The following PCCA variants were observed in gnomAD, a reference collection of about 807,000 sequenced individuals.
The protein encoded by PCCA is propionyl-CoA carboxylase alpha chain, mitochondrial.
In PCCA, 74 loss-of-function variants were observed where a neutral mutation model predicts 101.3. The ratio of observed to expected loss-of-function variants is 0.73; its 90% CI spans 0.61 to 0.89. The LOEUF is 0.89. Ranked by LOEUF, PCCA falls within the 40% of genes least tolerant of loss-of-function variation. The pLI is 0.00. For missense variants in PCCA, 891 were observed against 907.0 expected, an observed-to-expected ratio of 0.98 and a Z score of 0.23; for synonymous variants, 294 against 313.6, an observed-to-expected ratio of 0.94 and a Z score of 0.66.
In PCCA at chr13:100,335,338, G is replaced by A. The variant is rs148897805; in HGVS notation, c.1540+4667G>A. On this transcript the variant is annotated intron_variant, in intron 17 of 23. Coordinates refer to ENST00000376285, the MANE Select transcript of PCCA (RefSeq NM_000282.4). ...GTTTTTTAAAGACACAAGCCCACTAGGAAGAAGAAAGGAAATAGCATTTGG... is the reference window on the plus strand; with the variant it reads ...GTTTTTTAAAGACACAAGCCCACTAAGAAGAAGAAAGGAAATAGCATTTGG... 2.9e-3 allele frequency among the ~76,000 whole-genome samples: 434 copies of A among 152,108 alleles called. 1 individual carries two copies. The highest frequency in any genetic ancestry group is 0.01 in the African/African-American group (416 of 41,492).
At chr13:100,296,576 G>A (rs936088522) in intron 12 of PCCA, among the ~76,000 whole-genome samples, 1 of 152,000 alleles carries the variant, frequency 6.6e-6, no homozygotes, top group African/African-American at 2.4e-5. Context: ...TTTAAATTTT[G>A]AAATGATTTC....
intron 17 of PCCA, among the ~76,000 whole-genome samples, chr13:100,333,794 C>G (rs1227137864): frequency 6.6e-6 from 1 of 152,116 alleles, no homozygotes; most frequent in Non-Finnish European, 1.5e-5. Flanking sequence ...AAATTTCACT[C>G]AACACAAAAA....
intron 8 of PCCA, among the ~76,000 whole-genome samples, chr13:100,250,893 C>G (rs998958704): frequency 7.2e-5 from 11 of 152,118 alleles, no homozygotes; most frequent in African/African-American, 2.7e-4. Flanking sequence ...GTCTCTCTAC[C>G]CGTCACACTT....
At chr13:100,140,499 G>A (rs1474913422) in intron 4 of PCCA, among the ~76,000 whole-genome samples, 1 of 152,136 alleles carries the variant, frequency 6.6e-6, no homozygotes, top group Non-Finnish European at 1.5e-5. Context: ...TGAGTGAGAT[G>A]AATAGGGGTT....
Position 100,251,132 on chromosome 13 carries a change from A to G in PCCA, c.638-6463A>G, listed in dbSNP as rs1048711288. Among the ~76,000 whole-genome samples the G allele has an allele frequency of 7.2e-5, 11 of 152,292 alleles. No homozygotes were observed. The East Asian group carries it at 2.1e-3, about 29-fold the overall frequency. On this transcript the variant is annotated intron_variant, in intron 8 of 23. Transcript: ENST00000376285. ...ACTGCTGGTAGTTTGTGTAAGTATT[A>G]TGATTAAGTATTATGATAACTGAGA...
intron 23 of PCCA, among the ~76,000 whole-genome samples, chr13:100,528,097 A>G (rs2088005749): frequency 6.6e-6 from 1 of 152,242 alleles, no homozygotes; most frequent in Admixed American, 6.5e-5. Flanking sequence ...ACACAGCAGC[A>G]AATGGTTTTA....
At chr13:100,230,319 G>T (rs2029923839) in intron 7 of PCCA, among the ~76,000 whole-genome samples, 1 of 152,152 alleles carries the variant, frequency 6.6e-6, no homozygotes, top group South Asian at 2.1e-4. Flanking sequence ...CGAGGTGGGC[G>T]GATCACCTGA....
intron 19 of PCCA, among the ~76,000 whole-genome samples, chr13:100,425,264 G>A (rs1385274328): frequency 3.3e-5 from 5 of 152,224 alleles, no homozygotes; most frequent in Non-Finnish European, 7.3e-5. Context: ...TCCTTGGAGA[G>A]GATATTATAT....
chr13:100,385,394 T>C (rs2076443438), intron 19 of PCCA, among the ~76,000 whole-genome samples: 1 of 152,166 alleles, frequency 6.6e-6, no homozygotes, highest in Admixed American at 6.5e-5. Flanking sequence ...AAATAAGGGA[T>C]GCCCTTCATA....
chr13:100,327,545 G>A (rs2068831033), intron 16 of PCCA, among the ~76,000 whole-genome samples: 1 of 152,154 alleles, frequency 6.6e-6, no homozygotes, highest in Non-Finnish European at 1.5e-5. Context: ...TTGTATGTAA[G>A]TCTTTGTATA....
intron 20 of PCCA, among the ~76,000 whole-genome samples, chr13:100,432,036 G>A (rs750263524): frequency 6.6e-6 from 1 of 151,746 alleles, no homozygotes; most frequent in African/African-American, 2.4e-5. Flanking sequence ...TGTCTTTACT[G>A]AAAATACAAA....
intron 19 of PCCA, among the ~76,000 whole-genome samples, chr13:100,415,672 A>C (rs144898760): frequency 6.6e-6 from 1 of 152,336 alleles, no homozygotes; most frequent in African/African-American, 2.4e-5. Context: ...GCACAATGCT[A>C]ATCTCCTTAA....
intron 4 of PCCA, among the ~76,000 whole-genome samples, chr13:100,127,455 A>G (rs554062443): frequency 6.6e-6 from 1 of 152,182 alleles, no homozygotes; most frequent in Non-Finnish European, 1.5e-5. Flanking sequence ...CTTAAACAAC[A>G]TGGTTTTAAA....
At chr13:100,458,440 TACACACACACACACACACACACACACAC>T (rs777836240) in intron 21 of PCCA, among the ~76,000 whole-genome samples, 3 of 118,764 alleles carry the variant, frequency 2.5e-5, no homozygotes, top group Middle Eastern at 4.1e-3. Context: ...CACACACACA[TACACACACACACACACACACACACACAC>T]ACACACACAC....
intron 18 of PCCA, among the ~76,000 whole-genome samples, chr13:100,354,288 GGA>G (rs1201237921): frequency 5.4e-5 from 7 of 128,884 alleles, no homozygotes; most frequent in African/African-American, 8.4e-5. Context: ...AAAGAAAGAA[GGA>G]GAGAGAGAGA....
At chr13:100,109,716 A>AT (rs1266669009) in intron 2 of PCCA, among the ~76,000 whole-genome samples, 1 of 152,190 alleles carries the variant, frequency 6.6e-6, no homozygotes, top group Admixed American at 6.5e-5. Flanking sequence ...AAGTTTACCT[A>AT]TTTTTAAGGC....
chr13:100,502,956 C>T (rs527743062), intron 21 of PCCA, among the ~76,000 whole-genome samples: 6 of 152,288 alleles, frequency 3.9e-5, no homozygotes, highest in East Asian at 1.9e-4. Flanking sequence ...CTGAGGCTGA[C>T]GCAGACCTAG....
At chr13:100,365,030 C>A (rs2075027962) in intron 18 of PCCA, among the ~76,000 whole-genome samples, 1 of 152,144 alleles carries the variant, frequency 6.6e-6, no homozygotes, top group Admixed American at 6.5e-5. Context: ...GCCATTGTGA[C>A]ACAGTGAGAT....
At chr13:100,272,739 C>T (rs974003936) in intron 11 of PCCA, among the ~76,000 whole-genome samples, 2 of 152,108 alleles carry the variant, frequency 1.3e-5, no homozygotes, top group East Asian at 1.9e-4. Context: ...ACCATGAAAG[C>T]GCCTTAAGTA....
Sources: allele counts gnomAD v4.1 joint callset (sites outside exome capture counted in the v4.1 genomes callset), GRCh38; gene constraint gnomAD v4.1.1; transcripts MANE v1.5; gene names NCBI Gene and HGNC (gene_info 2026-07-23, HGNC 2026-07-21).